Variants in FBXL17 observed in about 807,000 individuals in gnomAD.
FBXL17 encodes the protein F-box and leucine rich repeat protein 17, also known as F-box/LRR-repeat protein 17.
A neutral mutation model predicts 66.2 loss-of-function variants in FBXL17; 22 were observed. The observed-to-expected ratio is 0.33, with a 90% CI of 0.24 to 0.47. The LOEUF (loss-of-function observed/expected upper bound fraction) is 0.47. Ranked by LOEUF, FBXL17 falls within the 20% of genes least tolerant of loss-of-function variation. The probability of loss-of-function intolerance (pLI) is 1.00; values close to 1 mark genes in which losing one functional copy is unlikely to be tolerated. For synonymous variants in FBXL17, 474 were observed against 400.5 expected, an observed-to-expected ratio of 1.18 and a Z score of -2.19; for missense variants, 878 against 948.2, an observed-to-expected ratio of 0.93 and a Z score of 0.97.
At chr5:107,870,325 C>A (rs900680700) in intron 8 of FBXL17, among the ~76,000 whole-genome samples, 2 of 152,138 alleles carry the variant, frequency 1.3e-5, no homozygotes, top group African/African-American at 2.4e-5. Flanking sequence ...AGCTTATTAG[C>A]CCTTCTTTTT....
chr5:108,216,002 A>G (rs1384257251), intron 5 of FBXL17, among the ~76,000 whole-genome samples: 3 of 152,164 alleles, frequency 2.0e-5, no homozygotes, highest in Non-Finnish European at 2.9e-5. Context: ...TTAATAGGAC[A>G]TAGATGTGTG....
Position 108,381,432 on chromosome 5 carries a change from CGCGGCGGCGGCGAGA to C in FBXL17, c.245_259del (p.Leu82_Pro86del). 1.5e-6 allele frequency: 2 copies of C among 1,315,798 alleles called. No individual in the cohort carries two copies. The highest frequency in any genetic ancestry group is 1.9e-6 in the Non-Finnish European group (2 of 1,040,188). The allele number at this position is 1,315,798 out of a possible 1,614,324, so 81.5% of individuals were successfully genotyped here. A position where few individuals can be genotyped will look rare whatever the true frequency, so the allele number is the denominator to read the frequency against. On this transcript the variant is annotated inframe_deletion, in exon 1 of 9. Coordinates refer to ENST00000542267, the MANE Select transcript of FBXL17 (RefSeq NM_001163315.3). ...GGAGGCGGCAGCGTAGGCCCCGTCC[CGCGGCGGCGGCGAGA>C]GCGGCGGCTCCTCCTCTGGGCCGGC...
intron 6 of FBXL17, among the ~76,000 whole-genome samples, chr5:108,021,238 C>T (rs932870151): frequency 1.3e-5 from 2 of 150,750 alleles, no homozygotes. Context: ...AGAAATATTC[C>T]CATAAGAGTA....
intron 4 of FBXL17, among the ~76,000 whole-genome samples, chr5:108,247,908 G>A (rs1270270247): frequency 6.6e-6 from 1 of 152,106 alleles, no homozygotes; most frequent in East Asian, 1.9e-4. Flanking sequence ...TAAAAACTCT[G>A]GACATTATTT....
rs1580347144 is a variant in FBXL17 at position 108,028,211 on chromosome 5, C to T, written c.1746-7210G>A. On this transcript the variant is annotated intron_variant, in intron 6 of 8. Transcript: ENST00000542267. ...AAAAGAGTCAGGCAAAATTCTGCAA[C>T]TCGAAACTGATGCCCACCACAAAAA... Among the ~76,000 whole-genome samples, 3 of 152,196 alleles carry T rather than the reference C, an allele frequency of 2.0e-5. 1 individual carries two copies. Among genetic ancestry groups the T allele is most frequent in the Non-Finnish European group, 4.4e-5 (3 of 67,992 alleles).
At chr5:108,367,592 CAAA>C (rs2112585018) in intron 2 of FBXL17, among the ~76,000 whole-genome samples, 1 of 151,964 alleles carries the variant, frequency 6.6e-6, no homozygotes, top group East Asian at 1.9e-4. Flanking sequence ...TGAAAAAAGA[CAAA>C]AAGACCTAAA....
At chr5:108,338,158 A>G (rs867313870) in intron 4 of FBXL17, among the ~76,000 whole-genome samples, 3 of 150,320 alleles carry the variant, frequency 2.0e-5, no homozygotes, top group Non-Finnish European at 4.4e-5. Context: ...AAAAAGATAT[A>G]GAAGTTTTAT....
intron 7 of FBXL17, among the ~76,000 whole-genome samples, chr5:108,005,724 G>C (rs1015948418): frequency 6.6e-6 from 1 of 152,110 alleles, no homozygotes; most frequent in Non-Finnish European, 1.5e-5. Context: ...TACCTGATAG[G>C]GACACCATTG....
chr5:108,272,204 T>C (rs1407483652), intron 4 of FBXL17, among the ~76,000 whole-genome samples: 1 of 151,760 alleles, frequency 6.6e-6, no homozygotes, highest in Non-Finnish European at 1.5e-5. Context: ...GGCAGGAGAA[T>C]GGCATGAACC....
intron 4 of FBXL17, among the ~76,000 whole-genome samples, chr5:108,300,102 T>C (rs997053641): frequency 1.6e-4 from 25 of 152,082 alleles, no homozygotes; most frequent in African/African-American, 5.8e-4. Context: ...CATTTTAGAA[T>C]AATCACTGCT....
At chr5:108,022,126 A>G (rs545325478) in intron 6 of FBXL17, among the ~76,000 whole-genome samples, 1 of 152,014 alleles carries the variant, frequency 6.6e-6, no homozygotes, top group Non-Finnish European at 1.5e-5. Context: ...TTTTTATGGA[A>G]TTTTGTTTTA....
At position 108,230,377 on chromosome 5, in the gene FBXL17, A is replaced by G. The variant is rs370337648; in HGVS notation, c.1507-6149T>C. 2.3e-4 allele frequency among the ~76,000 whole-genome samples: 35 copies of G among 152,302 alleles called. No homozygotes were observed. The South Asian group carries it at 7.0e-3, about 31-fold the overall frequency. ...CATTGTGGTATATATACACAACAGA[A>G]TATTTCTCAGCCATAAAAGGCAATG... On this transcript the variant is annotated intron_variant, in intron 4 of 8. Transcript: ENST00000542267.
intron 3 of FBXL17, 75 bp from the exon 4 acceptor site, chr5:108,348,605 A>AT (rs1209508402): frequency 6.7e-7 from 1 of 1,497,672 alleles, no homozygotes; most frequent in African/African-American, 1.4e-5. Flanking sequence ...TTTTCATATA[A>AT]TTTTTTGAAA....
chr5:108,051,627 G>A (rs1220106935), intron 6 of FBXL17, among the ~76,000 whole-genome samples: 1 of 152,050 alleles, frequency 6.6e-6, no homozygotes, highest in African/African-American at 2.4e-5. Context: ...AAACACACAG[G>A]CAATATCATA....
intron 4 of FBXL17, among the ~76,000 whole-genome samples, chr5:108,252,349 A>T (rs1756393964): frequency 6.6e-6 from 1 of 152,134 alleles, no homozygotes; most frequent in Non-Finnish European, 1.5e-5. Flanking sequence ...TGGAAAACAT[A>T]CCAATGCATG....
intron 5 of FBXL17, among the ~76,000 whole-genome samples, chr5:108,205,280 C>T (rs982130632): frequency 6.6e-5 from 10 of 151,776 alleles, no homozygotes; most frequent in Non-Finnish European, 1.3e-4. Context: ...GTTTTTAGTC[C>T]CTTTGTAATA....
chr5:108,217,161 A>T (rs1561469994), intron 5 of FBXL17, among the ~76,000 whole-genome samples: 1 of 151,904 alleles, frequency 6.6e-6, no homozygotes, highest in Non-Finnish European at 1.5e-5. Context: ...CCCAGTCCAT[A>T]AAAACCCTGG....
intron 1 of FBXL17, among the ~76,000 whole-genome samples, chr5:108,371,850 G>T (rs1371983872): frequency 6.6e-6 from 1 of 152,180 alleles, no homozygotes; most frequent in Non-Finnish European, 1.5e-5. Context: ...AGCCAAAGAT[G>T]ACCTCTGTGT....
intron 6 of FBXL17, among the ~76,000 whole-genome samples, chr5:108,066,299 C>T (rs1258359105): frequency 6.6e-6 from 1 of 152,068 alleles, no homozygotes; most frequent in Non-Finnish European, 1.5e-5. Flanking sequence ...CAGAATACAA[C>T]AACTATTAAT....
Sources: allele counts gnomAD v4.1 joint callset (sites outside exome capture counted in the v4.1 genomes callset), GRCh38; gene constraint gnomAD v4.1.1; transcripts MANE v1.5; gene names NCBI Gene and HGNC (gene_info 2026-07-23, HGNC 2026-07-21).